Variants in FAM117B observed in about 807,000 individuals in gnomAD.
The protein encoded by FAM117B is family with sequence similarity 117 member B, also known as protein FAM117B.
FAM117B carries 22 observed loss-of-function variants against 52.8 expected under a neutral mutation model. That is an observed-to-expected ratio of 0.42 (90% CI 0.30 to 0.59). The LOEUF (loss-of-function observed/expected upper bound fraction) is 0.59, where lower values mean the gene tolerates loss of function less well. Ranked by LOEUF, FAM117B falls within the 20% of genes least tolerant of loss-of-function variation. The pLI, the probability that FAM117B is intolerant of heterozygous loss-of-function variation, is 0.22. For synonymous variants in FAM117B, 309 were observed against 324.1 expected (o/e 0.95, Z 0.50); for missense variants, 678 against 802.6 (o/e 0.84, Z 1.88).
intron 1 of FAM117B, among the ~76,000 whole-genome samples, chr2:202,683,630 T>G (rs79751230): frequency 6.6e-6 from 1 of 152,052 alleles, no homozygotes; most frequent in African/African-American, 2.4e-5. Context: ...AATAGAAAAC[T>G]TGAATATCCC....
rs1430217403 is a variant in FAM117B at position 202,642,018 on chromosome 2, C to T, written c.601+6230C>T. Among the ~76,000 whole-genome samples the T allele has an allele frequency of 3.5e-5, 5 of 144,416 alleles. No homozygotes were observed. The East Asian group carries it at 8.3e-4, about 24-fold the overall frequency. The allele number at this position is 144,416 out of a possible 152,430, so 94.7% of individuals were successfully genotyped here. A position where few individuals can be genotyped will look rare whatever the true frequency, so the allele number is the denominator to read the frequency against. On this transcript the variant is annotated intron_variant, in intron 1 of 7. Coordinates refer to ENST00000392238, the MANE Select transcript of FAM117B (RefSeq NM_173511.4). ...AGTGCAGTGGTGTGATCTCGGCTTA[C>T]TGCAACCTCCGCCTCCCAGGTTCAA...
intron 2 of FAM117B, among the ~76,000 whole-genome samples, chr2:202,717,748 G>C (rs1230103089): frequency 2.0e-5 from 3 of 152,178 alleles, no homozygotes; most frequent in African/African-American, 7.2e-5. Context: ...ATTGCACTGG[G>C]TCAGACCTGA....
Position 202,695,896 on chromosome 2 carries a change from A to G in FAM117B, c.617A>G (p.Gln206Arg), listed in dbSNP as rs1398360492. 7.5e-6 allele frequency: 12 copies of G among 1,602,808 alleles called. No homozygotes were observed. Among genetic ancestry groups the G allele is most frequent in the Non-Finnish European group, 1.0e-5 (12 of 1,174,564 alleles). ...PVCKAGDKTR[Q>R]PSSSPSSIIR... ...TTAAATCTAGGTGACAAAACACGAC[A>G]GCCTTCTTCAAGCCCCTCCAGTATT... The change falls in exon 2 of 8, where the codon CAG becomes CGG. Residue 206 changes from glutamine (Q) to arginine (R), a missense_variant. Transcript: ENST00000392238.
intron 1 of FAM117B, among the ~76,000 whole-genome samples, chr2:202,645,375 G>A (rs1310474347): frequency 4.0e-5 from 6 of 151,022 alleles, no homozygotes; most frequent in African/African-American, 1.5e-4. Context: ...TGCAGGCTCC[G>A]CCCCCCGGGG....
At chr2:202,733,000 A>C (rs972580613) in intron 4 of FAM117B, among the ~76,000 whole-genome samples, 1 of 152,132 alleles carries the variant, frequency 6.6e-6, no homozygotes, top group Admixed American at 6.5e-5. Flanking sequence ...CAATATTTCA[A>C]CGTAGGTTCT....
At chr2:202,661,829 T>C (rs1690131953) in intron 1 of FAM117B, among the ~76,000 whole-genome samples, 1 of 148,994 alleles carries the variant, frequency 6.7e-6, no homozygotes, top group Non-Finnish European at 1.5e-5. Context: ...GGCAGGAGAA[T>C]AGCTTGAACC....
intron 1 of FAM117B, among the ~76,000 whole-genome samples, chr2:202,656,282 G>C (rs767206119): frequency 5.9e-5 from 9 of 151,690 alleles, no homozygotes; most frequent in Non-Finnish European, 1.2e-4. Flanking sequence ...CTCATTTTCT[G>C]GTTTCTCAGA....
intron 1 of FAM117B, among the ~76,000 whole-genome samples, chr2:202,653,990 G>T (rs1392192656): frequency 1.3e-5 from 2 of 151,378 alleles, no homozygotes; most frequent in Non-Finnish European, 2.9e-5. Flanking sequence ...CAGGACAGAG[G>T]TAGACTCGTG....
In FAM117B at chr2:202,668,009, G is replaced by C. The variant is rs531467042; in HGVS notation, c.602-27872G>C. On this transcript the variant is annotated intron_variant, in intron 1 of 7. Coordinates refer to ENST00000392238, the MANE Select transcript of FAM117B (RefSeq NM_173511.4). Reference sequence around the variant, plus strand: ...AGGCCCAGATGGGAAGATTGCTTGAGGCCAGGAGTTTGCTTAGGCAACACA... The same window carrying C: ...AGGCCCAGATGGGAAGATTGCTTGACGCCAGGAGTTTGCTTAGGCAACACA... 6.7e-5 allele frequency among the ~76,000 whole-genome samples: 10 copies of C among 150,046 alleles called. No individual in the cohort carries two copies. In the South Asian group the frequency reaches 2.1e-3, roughly 31 times the overall value.
At chr2:202,662,583 C>T (rs550405848) in intron 1 of FAM117B, among the ~76,000 whole-genome samples, 26 of 152,302 alleles carry the variant, frequency 1.7e-4, no homozygotes, top group African/African-American at 6.3e-4. Flanking sequence ...TGGCTCACGC[C>T]TGTAATCCCA....
At chr2:202,655,761 A>AGAGAGAGTGAGAGAGAGT (rs1690046684) in intron 1 of FAM117B, among the ~76,000 whole-genome samples, 1 of 100,466 alleles carries the variant, frequency 1.0e-5, no homozygotes, top group African/African-American at 3.4e-5. Context: ...AGAGAGAGAG[A>AGAGAGAGTGAGAGAGAGT]GTGTGTGTGT....
intron 1 of FAM117B, among the ~76,000 whole-genome samples, chr2:202,669,551 T>G (rs1270247268): frequency 6.6e-6 from 1 of 152,160 alleles, no homozygotes; most frequent in Non-Finnish European, 1.5e-5. Context: ...TGGAAGTTAC[T>G]CTGTTAACTG....
At chr2:202,662,045 A>G (rs1690137017) in intron 1 of FAM117B, among the ~76,000 whole-genome samples, 1 of 152,186 alleles carries the variant, frequency 6.6e-6, no homozygotes, top group African/African-American at 2.4e-5. Context: ...GCTATTCACA[A>G]TAGCCAATAG....
chr2:202,635,573 C>A lies in FAM117B; in HGVS notation c.386C>A (p.Ala129Asp). The change falls in exon 1 of 8, where the codon GCC (alanine) becomes GAC (aspartate). Residue 129 changes from alanine to aspartate, a missense_variant. By Grantham distance (126) the Ala-to-Asp change is moderately radical (BLOSUM62 -2). Coordinates refer to ENST00000392238, the MANE Select transcript of FAM117B (RefSeq NM_173511.4). Reference sequence around the variant, plus strand: ...CGAGGCACCAGCCCCACGCGCAGCGCCGCGCCTGGAGCTCGCGGGAGCCCC... The same window carrying A: ...CGAGGCACCAGCCCCACGCGCAGCGACGCGCCTGGAGCTCGCGGGAGCCCC... Reference protein sequence around the residue: ...STRGTSPTRSAAPGARGSPPR... With the variant: ...STRGTSPTRSDAPGARGSPPR... 1 of 1,234,802 alleles carries A rather than the reference C, an allele frequency of 8.1e-7. No individual in the cohort carries two copies. Among genetic ancestry groups the A allele is most frequent in the Non-Finnish European group, 1.0e-6 (1 of 992,952 alleles). 76.5% of individuals were successfully genotyped at this position (1,234,802 alleles called of 1,614,324 possible). A position where few individuals can be genotyped will look rare whatever the true frequency, so the allele number is the denominator to read the frequency against.
intron 1 of FAM117B, among the ~76,000 whole-genome samples, chr2:202,674,203 C>CTT (rs1479151485): frequency 6.6e-6 from 1 of 152,206 alleles, no homozygotes; most frequent in Non-Finnish European, 1.5e-5. Context: ...ATAAAATTGT[C>CTT]TATCAAGTCT....
chr2:202,700,767 A>G (rs1690785691), intron 2 of FAM117B, among the ~76,000 whole-genome samples: 1 of 151,866 alleles, frequency 6.6e-6, no homozygotes, highest in Admixed American at 6.6e-5. Flanking sequence ...GCTCGGTACA[A>G]CCTTAAACTC....
rs1349308542 is a variant in FAM117B, at chr2:202,635,707, G to C, written c.520G>C (p.Val174Leu). 1.0e-5 allele frequency: 15 copies of C among 1,431,980 alleles called. No homozygotes were observed. The highest frequency in any genetic ancestry group is 1.4e-5 in the Non-Finnish European group (15 of 1,094,098). 88.7% of individuals were successfully genotyped at this position (1,431,980 alleles called of 1,614,324 possible). The change falls in exon 1 of 8, where the codon GTC (valine) becomes CTC (leucine). Residue 174 changes from valine (V) to leucine (L), a missense_variant. This residue lies in a region of FAM117B where 583 missense variants were observed against 644.8 expected (regional missense o/e 0.90). Coordinates refer to ENST00000392238, the MANE Select transcript of FAM117B (RefSeq NM_173511.4). ...EVSAAPPPAR[V>L]RHRRRSPEQS... The stretch of plus-strand genomic sequence containing the variant: ...GAGCGCGGCCCCACCCCCAGCCCGC[G>C]TCCGGCATCGGAGGAGGTCTCCGGA...
rs571991035 is a variant in FAM117B at position 202,705,270 on chromosome 2, C to T, written c.753+9238C>T. ...GCAGTGAGTCAAGATAGTACCATTG[C>T]ACTCCAGTCTGGGCAACAAGAGTGA... On this transcript the variant is annotated intron_variant, in intron 2 of 7. Transcript: ENST00000392238. Among the ~76,000 whole-genome samples, 10 of 151,744 alleles carry T rather than the reference C, an allele frequency of 6.6e-5. No homozygotes were observed. In the East Asian group the frequency reaches 7.8e-4, roughly 12 times the overall value.
intron 7 of FAM117B, among the ~76,000 whole-genome samples, chr2:202,761,180 A>G (rs1691881650): frequency 6.6e-6 from 1 of 152,214 alleles, no homozygotes; most frequent in South Asian, 2.1e-4. Context: ...TATAGGCATG[A>G]GCCACTGCAT....
Sources: gnomAD v4.1 joint callset for allele counts (sites outside exome capture counted in the v4.1 genomes callset) on GRCh38, gnomAD v4.1.1 for gene constraint, gnomAD v4.1.1 regional missense constraint, MANE v1.5 for transcripts, NCBI Gene and HGNC (gene_info 2026-07-23, HGNC 2026-07-21) for gene names.